The following MEGF11 variants were observed in gnomAD, a reference collection of about 807,000 sequenced individuals.
MEGF11 encodes the protein multiple epidermal growth factor-like domains protein 11.
MEGF11 carries 126 observed loss-of-function variants against 146.6 expected under a neutral mutation model. The ratio of observed to expected loss-of-function variants is 0.86; its 90% CI spans 0.74 to 1.00. The LOEUF is 1.00. Ranked by LOEUF, MEGF11 falls within the 50% of genes least tolerant of loss-of-function variation. The probability of loss-of-function intolerance (pLI) is 0.00; values close to 1 mark genes in which losing one functional copy is unlikely to be tolerated. For missense variants in MEGF11, 1,509 were observed against 1,521.2 expected (o/e 0.99, Z 0.13); for synonymous variants, 532 against 583.4 (o/e 0.91, Z 1.27).
Position 65,990,181 on chromosome 15 carries a change from A to G in MEGF11, c.395-7693T>C, listed in dbSNP as rs375530204. On this transcript the variant is annotated intron_variant, in intron 5 of 25. Coordinates refer to ENST00000395614, the MANE Select transcript of MEGF11 (RefSeq NM_001385028.1). ...AGCTATGACTGTACCACTGCTCTCC[A>G]GCTGTGCAACAGAGACTCTGTCTCT... Among the ~76,000 whole-genome samples the G allele has an allele frequency of 3.3e-5, 5 of 152,308 alleles. No homozygotes were observed. In the East Asian group the frequency reaches 9.6e-4, roughly 29 times the overall value.
chr15:66,055,640 A>C (rs147458827), intron 5 of MEGF11, among the ~76,000 whole-genome samples: 1 of 152,162 alleles, frequency 6.6e-6, no homozygotes, highest in Non-Finnish European at 1.5e-5. Flanking sequence ...TTCGGGACTC[A>C]ACACAGTTTT....
intron 5 of MEGF11, among the ~76,000 whole-genome samples, chr15:65,986,792 C>CTTTTTTTTTT (rs1491353062): frequency 1.5e-5 from 2 of 134,018 alleles, no homozygotes; most frequent in African/African-American, 5.4e-5. Context: ...GCTGATTTTT[C>CTTTTTTTTTT]CTTTTTTTTT....
chr15:66,211,348 C>A (rs956166289), intron 1 of MEGF11, among the ~76,000 whole-genome samples: 1 of 151,922 alleles, frequency 6.6e-6, no homozygotes, highest in South Asian at 2.1e-4. Flanking sequence ...ACGGTGAAAC[C>A]CCGTCTCTAC....
intron 5 of MEGF11, among the ~76,000 whole-genome samples, chr15:65,997,503 T>C (rs1358661881): frequency 6.6e-6 from 1 of 152,188 alleles, no homozygotes; most frequent in Admixed American, 6.5e-5. Context: ...CTTAGAGTCT[T>C]CTTGGATTAC....
chr15:65,933,603 C>G (rs887345876), intron 10 of MEGF11, among the ~76,000 whole-genome samples: 1 of 152,204 alleles, frequency 6.6e-6, no homozygotes, highest in Non-Finnish European at 1.5e-5. Context: ...GGCCACTGGG[C>G]TGAGATGGCT....
At chr15:66,061,467 G>C (rs2084904158) in intron 5 of MEGF11, among the ~76,000 whole-genome samples, 1 of 152,170 alleles carries the variant, frequency 6.6e-6, no homozygotes, top group African/African-American at 2.4e-5. Context: ...CAGGCATGGG[G>C]AGATGCTGGA....
chr15:66,009,592 G>C (rs1006018191), intron 5 of MEGF11, among the ~76,000 whole-genome samples: 13 of 40,350 alleles, frequency 3.2e-4, no homozygotes, highest in African/African-American at 7.7e-4. Context: ...GGTCACATAT[G>C]GTTTTTTTTT....
intron 5 of MEGF11, among the ~76,000 whole-genome samples, chr15:66,011,033 G>A (rs1398209429): frequency 6.6e-6 from 1 of 152,168 alleles, no homozygotes; most frequent in African/African-American, 2.4e-5. Flanking sequence ...ACAATACAGG[G>A]TGTGTGTAAA....
intron 4 of MEGF11, among the ~76,000 whole-genome samples, chr15:66,116,431 C>T (rs1202127021): frequency 6.6e-6 from 1 of 152,126 alleles, no homozygotes; most frequent in East Asian, 1.9e-4. Context: ...CTTTCTAGTA[C>T]ACCCTGTAGC....
rs1269087738 is a variant in MEGF11 at position 66,024,585 on chromosome 15, CA to C, written c.395-42098del. Reference sequence around the variant, plus strand: ...CTTTACATGCATTATGTTGTGGCATCATTTCCAAAATGCTGTCAGGCTGGTG... The same window carrying C: ...CTTTACATGCATTATGTTGTGGCATCTTTCCAAAATGCTGTCAGGCTGGTG... On this transcript the variant is annotated intron_variant, in intron 5 of 25. Coordinates refer to ENST00000395614, the MANE Select transcript of MEGF11 (RefSeq NM_001385028.1). Among the ~76,000 whole-genome samples the C allele has an allele frequency of 2.6e-5, 4 of 152,204 alleles. 1 individual carries two copies. The highest frequency in any genetic ancestry group is 5.9e-5 in the Non-Finnish European group (4 of 68,040).
intron 5 of MEGF11, among the ~76,000 whole-genome samples, chr15:65,983,074 C>T (rs1382693831): frequency 1.3e-5 from 2 of 152,160 alleles, no homozygotes; most frequent in Non-Finnish European, 2.9e-5. Context: ...AACTCCCTGC[C>T]CCTCCCCTGG....
chr15:66,198,005 G>A (rs572115396), intron 1 of MEGF11, among the ~76,000 whole-genome samples: 1 of 152,310 alleles, frequency 6.6e-6, no homozygotes, highest in South Asian at 2.1e-4. Flanking sequence ...TGGGAGGATC[G>A]CTAGAGCTCA....
chr15:66,093,620 A>G (rs1260600912), intron 5 of MEGF11, among the ~76,000 whole-genome samples: 1 of 152,154 alleles, frequency 6.6e-6, no homozygotes, highest in East Asian at 1.9e-4. Context: ...ATATTAACCA[A>G]CCCTTGACTG....
At chr15:65,928,328 GAA>G (rs1183620557) in intron 13 of MEGF11, 95 bp downstream of exon 13, 4 of 695,794 alleles carry the variant, frequency 5.7e-6, no homozygotes, top group Non-Finnish European at 9.7e-6. Flanking sequence ...CAGGGATCAA[GAA>G]GAGAGGTATT....
chr15:66,169,455 T>TTC lies in MEGF11; in HGVS notation c.-8-41046_-8-41045dup, dbSNP rs376611043. ...CTCAGTGAGGGAGAACAGAGTCAGT[T>TTC]TCTCTCTCTCTCTCTCTGAAATATC... is the stretch of plus-strand genomic sequence containing the variant. On this transcript the variant is annotated intron_variant, in intron 1 of 25. Transcript: ENST00000395614. Among the ~76,000 whole-genome samples the TTC allele has an allele frequency of 2.7e-3, 407 of 151,392 alleles. 2 individuals carry two copies. Among genetic ancestry groups the TTC allele is most frequent in the African/African-American group, 9.3e-3 (383 of 41,386 alleles).
At chr15:66,251,832 G>A (rs2140274429) in intron 1 of MEGF11, among the ~76,000 whole-genome samples, 1 of 152,358 alleles carries the variant, frequency 6.6e-6, no homozygotes, top group South Asian at 2.1e-4. Context: ...CGAGATTGCA[G>A]TCCTAGACCT....
At chr15:66,207,254 A>C (rs1402143734) in intron 1 of MEGF11, among the ~76,000 whole-genome samples, 2 of 152,246 alleles carry the variant, frequency 1.3e-5, no homozygotes, top group African/African-American at 4.8e-5. Flanking sequence ...TAGACACATC[A>C]TAATCAAACT....
At chr15:66,242,846 C>A (rs2092237804) in intron 1 of MEGF11, among the ~76,000 whole-genome samples, 1 of 152,164 alleles carries the variant, frequency 6.6e-6, no homozygotes, top group Non-Finnish European at 1.5e-5. Context: ...GACAACCTCA[C>A]ATTAATTCTG....
chr15:65,957,924 T>C (rs1421130810), intron 9 of MEGF11, among the ~76,000 whole-genome samples: 1 of 151,940 alleles, frequency 6.6e-6, no homozygotes, highest in South Asian at 2.1e-4. Flanking sequence ...AGGCTCAGGG[T>C]GATTATATAA....
Sources: allele counts gnomAD v4.1 joint callset (sites outside exome capture counted in the v4.1 genomes callset), GRCh38; gene constraint gnomAD v4.1.1; transcripts MANE v1.5; gene names NCBI Gene and HGNC (gene_info 2026-07-23, HGNC 2026-07-21).